The following ZDHHC14 variants were observed in gnomAD, a reference collection of about 807,000 sequenced individuals.
ZDHHC14 encodes zDHHC palmitoyltransferase 14, also known as palmitoyltransferase ZDHHC14.
Under a neutral mutation model 47.7 loss-of-function variants are expected in ZDHHC14, and 16 were observed. The ratio of observed to expected loss-of-function variants is 0.34; its 90% CI spans 0.23 to 0.51. The LOEUF (loss-of-function observed/expected upper bound fraction) is 0.51. Ranked by LOEUF, ZDHHC14 falls within the 20% of genes least tolerant of loss-of-function variation. The pLI is 0.97. For synonymous variants in ZDHHC14, 293 were observed against 278.9 expected, an observed-to-expected ratio of 1.05 and a Z score of -0.50; for missense variants, 515 against 662.5, an observed-to-expected ratio of 0.78 and a Z score of 2.44.
chr6:157,421,281 C>T (rs769509123), intron 1 of ZDHHC14, among the ~76,000 whole-genome samples: 12 of 151,592 alleles, frequency 7.9e-5, no homozygotes, highest in East Asian at 3.9e-4. Context: ...AGGTGGATCA[C>T]GAGGTCAGGA....
chr6:157,619,198 T>A (rs554892465), intron 3 of ZDHHC14, among the ~76,000 whole-genome samples: 2 of 150,802 alleles, frequency 1.3e-5, no homozygotes, highest in Non-Finnish European at 2.9e-5. Context: ...CTGGCCAACA[T>A]GGTGAAACGC....
chr6:157,548,539 C>T (rs576588162), intron 2 of ZDHHC14, among the ~76,000 whole-genome samples: 10 of 152,304 alleles, frequency 6.6e-5, no homozygotes, highest in South Asian at 2.1e-4. Context: ...CTCTGCCTCC[C>T]GGGTTCAAGC....
At chr6:157,448,776 A>G (rs1778737152) in intron 1 of ZDHHC14, among the ~76,000 whole-genome samples, 2 of 152,150 alleles carry the variant, frequency 1.3e-5, no homozygotes, top group Non-Finnish European at 2.9e-5. Context: ...GAGTTTCACC[A>G]TTTTGGCCAG....
rs1212306457 is a variant in ZDHHC14, at chr6:157,655,322, CT to C, written c.1068+1701del. Among the ~76,000 whole-genome samples the C allele has an allele frequency of 3.9e-5, 6 of 152,254 alleles. No individual in the cohort carries two copies. In the East Asian group the frequency reaches 9.7e-4, roughly 25 times the overall value. On this transcript the variant is annotated intron_variant, in intron 8 of 8. Coordinates refer to ENST00000359775, the MANE Select transcript of ZDHHC14 (RefSeq NM_024630.3). ...GGGAAAAGGGGACACTTGTCCCCAC[CT>C]TTTTTAAGTAGGAGAGATTGATCAT...
chr6:157,630,355 C>G (rs1484839513), intron 4 of ZDHHC14: 1 of 152,128 alleles, frequency 6.6e-6, no homozygotes, highest in African/African-American at 2.4e-5. Context: ...TATTTATGGC[C>G]TTGTCCCTGC....
intron 4 of ZDHHC14, chr6:157,628,721 G>T: frequency 1.9e-6 from 1 of 516,432 alleles, no homozygotes. Flanking sequence ...CTTTCCAGGG[G>T]TCGCACCTAG....
chr6:157,409,970 A>AG (rs1777841741), intron 1 of ZDHHC14, among the ~76,000 whole-genome samples: 1 of 152,074 alleles, frequency 6.6e-6, no homozygotes, highest in Non-Finnish European at 1.5e-5. Context: ...CTGGGACTAC[A>AG]GGCACATGCC....
At chr6:157,487,259 T>C (rs1779803668) in intron 1 of ZDHHC14, among the ~76,000 whole-genome samples, 1 of 152,086 alleles carries the variant, frequency 6.6e-6, no homozygotes, top group Admixed American at 6.6e-5. Flanking sequence ...GGAGATGCAG[T>C]TGGGTAGAGA....
At chr6:157,663,687 C>T (rs986402118) in intron 8 of ZDHHC14, among the ~76,000 whole-genome samples, 5 of 152,128 alleles carry the variant, frequency 3.3e-5, no homozygotes, top group African/African-American at 7.2e-5. Context: ...GTGGAAAGCA[C>T]GCAAGCAGAG....
intron 8 of ZDHHC14, among the ~76,000 whole-genome samples, chr6:157,668,707 A>AT (rs1349118753): frequency 2.6e-5 from 4 of 152,140 alleles, no homozygotes; most frequent in African/African-American, 9.7e-5. Flanking sequence ...CTCAAAAAAA[A>AT]CAAAACAAAA....
chr6:157,432,038 CT>C (rs1247642824), intron 1 of ZDHHC14, among the ~76,000 whole-genome samples: 1 of 152,030 alleles, frequency 6.6e-6, no homozygotes, highest in East Asian at 1.9e-4. Context: ...CCCTTTGGCT[CT>C]TAAGGGAAAT....
At chr6:157,641,589 A>T (rs926058174) in intron 5 of ZDHHC14, among the ~76,000 whole-genome samples, 2 of 152,002 alleles carry the variant, frequency 1.3e-5, no homozygotes, top group Admixed American at 6.5e-5. Flanking sequence ...TGTTTCTCAA[A>T]AATAATAATA....
At chr6:157,585,426 A>C (rs918984182) in intron 2 of ZDHHC14, among the ~76,000 whole-genome samples, 11 of 151,904 alleles carry the variant, frequency 7.2e-5, no homozygotes, top group African/African-American at 1.2e-4. Flanking sequence ...AAAAAAAAAA[A>C]AAAACCCAAA....
chr6:157,517,980 C>G (rs1268168402), intron 1 of ZDHHC14, among the ~76,000 whole-genome samples: 1 of 151,892 alleles, frequency 6.6e-6, no homozygotes, highest in African/African-American at 2.4e-5. Flanking sequence ...AAAAGTCATC[C>G]TAGGATGCAC....
chr6:157,444,978 A>T (rs1035877694), intron 1 of ZDHHC14, among the ~76,000 whole-genome samples: 2 of 152,050 alleles, frequency 1.3e-5, no homozygotes, highest in Non-Finnish European at 2.9e-5. Flanking sequence ...CATAACAGGG[A>T]TCCCAGTGTG....
At chr6:157,442,482 T>C (rs925162015) in intron 1 of ZDHHC14, among the ~76,000 whole-genome samples, 1 of 152,174 alleles carries the variant, frequency 6.6e-6, no homozygotes, top group Non-Finnish European at 1.5e-5. Context: ...GAAAGATGAG[T>C]CATGGAATGC....
intron 2 of ZDHHC14, among the ~76,000 whole-genome samples, chr6:157,559,050 C>T (rs1283275921): frequency 2.6e-5 from 4 of 152,320 alleles, no homozygotes; most frequent in Admixed American, 2.0e-4. Flanking sequence ...CCCCATGAAG[C>T]TCTGCCGAGA....
At chr6:157,508,689 T>C (rs1253534158) in intron 1 of ZDHHC14, among the ~76,000 whole-genome samples, 1 of 152,308 alleles carries the variant, frequency 6.6e-6, no homozygotes, top group Non-Finnish European at 1.5e-5. Flanking sequence ...ATGTCTTGTA[T>C]TGATCCTTTA....
intron 3 of ZDHHC14, among the ~76,000 whole-genome samples, chr6:157,626,894 G>C (rs898348082): frequency 3.3e-5 from 5 of 150,134 alleles, no homozygotes; most frequent in South Asian, 2.2e-4. Context: ...TCCAGCTGGG[G>C]GGGGGGCGGC....
Sources: gnomAD v4.1 joint callset for allele counts (sites outside exome capture counted in the v4.1 genomes callset) on GRCh38, gnomAD v4.1.1 for gene constraint, MANE v1.5 for transcripts, NCBI Gene and HGNC (gene_info 2026-07-23, HGNC 2026-07-21) for gene names.